Variants in SNX27 observed in about 807,000 individuals in gnomAD.
SNX27 encodes the protein sorting nexin-27.
Under a neutral mutation model 71.6 loss-of-function variants are expected in SNX27, and 22 were observed. That is an observed-to-expected ratio of 0.31 (90% CI 0.22 to 0.44). The LOEUF (loss-of-function observed/expected upper bound fraction) is 0.44. Ranked by LOEUF, SNX27 falls within the 20% of genes least tolerant of loss-of-function variation. SNX27 has a pLI of 1.00. For synonymous variants in SNX27, 269 were observed against 277.2 expected, an observed-to-expected ratio of 0.97 and a Z score of 0.29; for missense variants, 531 against 698.6, an observed-to-expected ratio of 0.76 and a Z score of 2.70.
chr1:151,624,436 T>TA (rs1337558489), intron 1 of SNX27, among the ~76,000 whole-genome samples: 1 of 131,208 alleles, frequency 7.6e-6, no homozygotes, highest in African/African-American at 2.8e-5. Flanking sequence ...TATATATGTA[T>TA]TTTTTTTTTT....
Position 151,658,411 on chromosome 1 carries a change from A to G in SNX27, c.720A>G (p.Glu240=), listed in dbSNP as rs1328402719. ...TAGATGCCCGACGTCGGGGATTGGA[A>G]GAATATCTAGAAAAAGGTAATCCAA... ...QQLDARRRGL[E]EYLEKVCSIR... is the part of the protein sequence containing the mutation. Residue 240 remains glutamate, a synonymous_variant, in exon 3 of 12, where the codon GAA becomes GAG. Transcript: ENST00000458013. The G allele has an allele frequency of 6.2e-7, 1 of 1,613,866 alleles. No homozygotes were observed. Among genetic ancestry groups the G allele is most frequent in the Non-Finnish European group, 8.5e-7 (1 of 1,179,954 alleles).
At chr1:151,678,274 C>T (rs1296092858) in intron 7 of SNX27, 2 of 152,210 alleles carry the variant, frequency 1.3e-5, no homozygotes, top group East Asian at 1.9e-4. Context: ...TCCTCTCCCC[C>T]TTGGCAACTA....
intron 7 of SNX27, chr1:151,679,938 C>T (rs1467534590): frequency 1.3e-5 from 2 of 152,042 alleles, no homozygotes; most frequent in Admixed American, 6.6e-5. Flanking sequence ...GGGATTATCA[C>T]AAGAAATTGC....
chr1:151,635,630 C>G (rs1668429045), intron 1 of SNX27, among the ~76,000 whole-genome samples: 1 of 152,088 alleles, frequency 6.6e-6, no homozygotes, highest in Admixed American at 6.5e-5. Flanking sequence ...AATCAGACAT[C>G]CTGGGGTTTT....
chr1:151,663,940 G>A (rs1375599264), intron 5 of SNX27, among the ~76,000 whole-genome samples: 2 of 151,764 alleles, frequency 1.3e-5, no homozygotes, highest in Non-Finnish European at 2.9e-5. Flanking sequence ...TTCTTCCACC[G>A]ATTAGCTAGA....
At chr1:151,689,762 A>G (rs544327561) in intron 8 of SNX27, among the ~76,000 whole-genome samples, 12 of 152,272 alleles carry the variant, frequency 7.9e-5, no homozygotes, top group African/African-American at 2.9e-4. Context: ...TCTGATGACT[A>G]TGTTAGGAAG....
chr1:151,625,170 C>T (rs938255480), intron 1 of SNX27, among the ~76,000 whole-genome samples: 15 of 152,188 alleles, frequency 9.9e-5, no homozygotes, highest in South Asian at 6.2e-4. Context: ...TATTAATACG[C>T]GCTTTTGCCC....
chr1:151,673,381 A>T (rs1160474086), intron 7 of SNX27, among the ~76,000 whole-genome samples: 1 of 152,114 alleles, frequency 6.6e-6, no homozygotes, highest in Non-Finnish European at 1.5e-5. Flanking sequence ...ATATTATTTG[A>T]TATTAATAAT....
intron 4 of SNX27, 96 bp from the exon 5 acceptor site, chr1:151,662,070 C>A: frequency 1.3e-6 from 1 of 759,860 alleles, no homozygotes; most frequent in South Asian, 1.8e-5. Context: ...CTCACTTCTT[C>A]TCTACCACGT....
At position 151,692,939 on chromosome 1, in the gene SNX27, A is replaced by T. The variant is rs775972283; in HGVS notation, c.1418A>T (p.Glu473Val). 2 of 1,614,206 alleles carry T rather than the reference A, an allele frequency of 1.2e-6. No individual in the cohort carries two copies. Among genetic ancestry groups the T allele is most frequent in the South Asian group, 2.2e-5 (2 of 91,086 alleles). ...ENQVIAFEWD[E>V]MQRWDTDEEG... ...CAGGTAATTGCATTTGAATGGGATGAGATGCAGCGATGGGACACAGATGAA... is the reference window on the plus strand; with the variant it reads ...CAGGTAATTGCATTTGAATGGGATGTGATGCAGCGATGGGACACAGATGAA... Residue 473 changes from glutamate to valine, a missense_variant, in exon 10 of 12, where the codon GAG becomes GTG. By Grantham distance (121) the Glu-to-Val change is moderately radical (BLOSUM62 -2). Around this residue, in one of 5 missense-constraint regions of SNX27, gnomAD observed 157 missense variants for 178.4 expected, o/e 0.88. Coordinates refer to ENST00000458013, the MANE Select transcript of SNX27 (RefSeq NM_001330723.2).
At chr1:151,671,536 C>T (rs1037129952) in intron 7 of SNX27, among the ~76,000 whole-genome samples, 1 of 152,064 alleles carries the variant, frequency 6.6e-6, no homozygotes. Context: ...ACACCCCACC[C>T]AGTTTTCTTC....
At chr1:151,655,324 T>C (rs993032568) in intron 2 of SNX27, among the ~76,000 whole-genome samples, 4 of 152,204 alleles carry the variant, frequency 2.6e-5, no homozygotes, top group African/African-American at 9.6e-5. Context: ...AGTTGAATGA[T>C]TCCATAACCT....
At chr1:151,658,984 A>T (rs1308601528) in intron 3 of SNX27, among the ~76,000 whole-genome samples, 1 of 152,160 alleles carries the variant, frequency 6.6e-6, no homozygotes. Context: ...TTAGGGTTAT[A>T]TTATCTGCCA....
chr1:151,660,883 G>GT, intron 4 of SNX27, 21 bp downstream of exon 4: 1 of 1,583,592 alleles, frequency 6.3e-7, no homozygotes. Context: ...ATCTCTTTTA[G>GT]TGATTATTTT....
chr1:151,620,425 T>C lies in SNX27; in HGVS notation c.311+7913T>C, dbSNP rs146234062. Among the ~76,000 whole-genome samples the C allele has an allele frequency of 7.6e-4, 116 of 152,340 alleles. 2 individuals carry two copies. The East Asian group carries it at 0.015, about 19-fold the overall frequency. On this transcript the variant is annotated intron_variant, in intron 1 of 11. Transcript: ENST00000458013. ...CCATCTAGTCTCTTGGACTGTCTTGTACTATATAAAGAAGGGAACTAAGAA... is the reference window on the plus strand; with the variant it reads ...CCATCTAGTCTCTTGGACTGTCTTGCACTATATAAAGAAGGGAACTAAGAA...
chr1:151,668,092 G>A (rs140838794), intron 6 of SNX27, among the ~76,000 whole-genome samples: 4 of 152,246 alleles, frequency 2.6e-5, no homozygotes, highest in Admixed American at 1.3e-4. Flanking sequence ...TTCAAAATTG[G>A]GCATCTGGTA....
At position 151,693,413 on chromosome 1, in the gene SNX27, T is replaced by A. The variant is rs2102745003; in HGVS notation, c.1519-11T>A. 6.2e-7 allele frequency: 1 copy of A among 1,606,858 alleles called. No individual in the cohort carries two copies. The highest frequency in any genetic ancestry group is 8.5e-7 in the Non-Finnish European group (1 of 1,174,326). On this transcript the variant is annotated splice_polypyrimidine_tract_variant and intron_variant, in intron 10 of 11. Transcript: ENST00000458013. ...TGAGAAGTTAGTGAGTGTCACCACC[T>A]TTTTTTTCAGTTCAATTACATGCAT...
chr1:151,636,493 C>T (rs560793506), intron 1 of SNX27, among the ~76,000 whole-genome samples: 1 of 151,870 alleles, frequency 6.6e-6, no homozygotes, highest in African/African-American at 2.4e-5. Flanking sequence ...CGTATAGAGA[C>T]GGGGTTTCAC....
chr1:151,630,992 A>G (rs1668205321), intron 1 of SNX27, among the ~76,000 whole-genome samples: 1 of 152,238 alleles, frequency 6.6e-6, no homozygotes, highest in South Asian at 2.1e-4. Context: ...AGATTGTGCC[A>G]CTGCACTCTA....
Sources: gnomAD v4.1 joint callset for allele counts (sites outside exome capture counted in the v4.1 genomes callset) on GRCh38, gnomAD v4.1.1 for gene constraint, gnomAD v4.1.1 regional missense constraint, MANE v1.5 for transcripts, NCBI Gene and HGNC (gene_info 2026-07-23, HGNC 2026-07-21) for gene names.